The following PRRC2C variants were observed in gnomAD, a reference collection of about 807,000 sequenced individuals.
The protein encoded by PRRC2C is protein PRRC2C.
Under a neutral mutation model 317.2 loss-of-function variants are expected in PRRC2C, and 72 were observed. The observed-to-expected ratio is 0.23, with a 90% CI of 0.19 to 0.28. The LOEUF (loss-of-function observed/expected upper bound fraction) is 0.28, where lower values mean the gene tolerates loss of function less well. Among genes scored for constraint, PRRC2C ranks in the 10% least tolerant of loss-of-function variants. The probability of loss-of-function intolerance (pLI) is 1.00; values close to 1 mark genes in which losing one functional copy is unlikely to be tolerated. For missense variants in PRRC2C, 3,074 were observed against 3,459.7 expected (o/e 0.89, Z 2.80); for synonymous variants, 1,296 against 1,205.9 (o/e 1.07, Z -1.55).
intron 1 of PRRC2C, among the ~76,000 whole-genome samples, chr1:171,487,247 A>G (rs1328057149): frequency 6.6e-6 from 1 of 152,170 alleles, no homozygotes; most frequent in African/African-American, 2.4e-5. Context: ...AGATGAGGAA[A>G]TGAAATCTGA....
chr1:171,513,411 C>T (rs1031917939), intron 3 of PRRC2C: 18 of 597,736 alleles, frequency 3.0e-5, no homozygotes, highest in African/African-American at 2.0e-4. Context: ...TATGTCATAG[C>T]CTTTATTAGG....
At chr1:171,548,261 G>T (rs879806984) in intron 17 of PRRC2C, among the ~76,000 whole-genome samples, 1 of 152,138 alleles carries the variant, frequency 6.6e-6, no homozygotes, top group Non-Finnish European at 1.5e-5. Context: ...GAACCACCAT[G>T]CCCAGCCAGT....
Position 171,579,871 on chromosome 1 carries a change from T to C in PRRC2C, c.7316T>C (p.Leu2439Pro). 6.3e-7 allele frequency: 1 copy of C among 1,594,526 alleles called. No individual in the cohort carries two copies. ...QQIPIPIYAP[L>P]QGQHQAQLSL... Reference sequence around the variant, plus strand: ...ATTCCAATCCCTATTTATGCACCACTGCAAGGGCAGCATCAAGCCCAACTG... The same window carrying C: ...ATTCCAATCCCTATTTATGCACCACCGCAAGGGCAGCATCAAGCCCAACTG... The change falls in exon 28 of 35, where the codon CTG becomes CCG. Residue 2439 changes from leucine to proline, a missense_variant. This residue lies in a region of PRRC2C where 490 missense variants were observed against 663.1 expected (regional missense o/e 0.74). Coordinates refer to ENST00000647382, the MANE Select transcript of PRRC2C (RefSeq NM_001387844.1).
rs768661687 is a variant in PRRC2C at position 171,566,757 on chromosome 1, A to G, written c.6472A>G (p.Lys2158Glu). Reference protein sequence around the residue: ...TVRSTDPVTTKETKAVSEMST... With the variant: ...TVRSTDPVTTEETKAVSEMST... ...CAGAAGCACAGATCCTGTCACGACA[A>G]AGGAGACTAAAGCAGTCTCAGAAAT... is the stretch of plus-strand genomic sequence containing the variant. The change falls in exon 22 of 35, where the codon AAG becomes GAG. Residue 2158 changes from lysine (K) to glutamate (E), a missense_variant. By Grantham distance (56) the Lys-to-Glu change is moderately conservative. Around this residue, in one of 11 missense-constraint regions of PRRC2C, gnomAD observed 640 missense variants for 676.1 expected, o/e 0.95. Coordinates refer to ENST00000647382, the MANE Select transcript of PRRC2C (RefSeq NM_001387844.1). The G allele has an allele frequency of 8.1e-6, 13 of 1,613,824 alleles. No individual in the cohort carries two copies. In the Admixed American group the frequency reaches 8.3e-5, roughly 10 times the overall value.
At chr1:171,575,677 G>A (rs910804049) in intron 25 of PRRC2C, among the ~76,000 whole-genome samples, 2 of 152,050 alleles carry the variant, frequency 1.3e-5, no homozygotes, top group African/African-American at 4.8e-5. Context: ...TTTTACTAGT[G>A]TGTAATCTTT....
chr1:171,573,673 CTTTTT>C (rs1024285954), intron 24 of PRRC2C, among the ~76,000 whole-genome samples: 50 of 85,810 alleles, frequency 5.8e-4, no homozygotes, highest in African/African-American at 2.0e-3. Context: ...TCTCAAAATT[CTTTTT>C]TTTTTTTTTT....
chr1:171,546,629 T>G (rs1679166936), intron 17 of PRRC2C, among the ~76,000 whole-genome samples: 1 of 152,174 alleles, frequency 6.6e-6, no homozygotes, highest in Non-Finnish European at 1.5e-5. Flanking sequence ...AGACAGAGAC[T>G]TACTCTGTTG....
chr1:171,522,489 G>T (rs1022330069), intron 7 of PRRC2C: 6 of 260,756 alleles, frequency 2.3e-5, no homozygotes, highest in Admixed American at 1.6e-4. Context: ...TGAAAACCAG[G>T]CCGGGGACGG....
At chr1:171,576,274 A>C (rs1685679849) in intron 25 of PRRC2C, among the ~76,000 whole-genome samples, 1 of 152,274 alleles carries the variant, frequency 6.6e-6, no homozygotes, top group African/African-American at 2.4e-5. Flanking sequence ...AATGGTTCCT[A>C]GTTCTTTCTT....
chr1:171,569,575 AATATATAT>A (rs60832207), intron 23 of PRRC2C, among the ~76,000 whole-genome samples: 2 of 60,130 alleles, frequency 3.3e-5, no homozygotes, highest in African/African-American at 1.1e-4. Flanking sequence ...AAGTGGTTTA[AATATATAT>A]ATATATATAT....
rs3817772 is a variant in PRRC2C, at chr1:171,579,478, G to A, written c.7272+12G>A. ...CAGGTCTCTCTCAGGTAATATCAAAGACTTCTTCCATCCTGTATTTGTTCC... is the reference window on the plus strand; with the variant it reads ...CAGGTCTCTCTCAGGTAATATCAAAAACTTCTTCCATCCTGTATTTGTTCC... On this transcript the variant is annotated intron_variant, in intron 27 of 34. Coordinates refer to ENST00000647382, the MANE Select transcript of PRRC2C (RefSeq NM_001387844.1). 536,425 of 1,611,250 alleles carry A rather than the reference G, an allele frequency of 0.33. 94,712 individuals are homozygous for A. Among genetic ancestry groups the A allele is most frequent in the East Asian group, 0.64 (28,642 of 44,824 alleles).
intron 16 of PRRC2C, among the ~76,000 whole-genome samples, chr1:171,543,361 A>G (rs1678387471): frequency 6.6e-6 from 1 of 151,422 alleles, no homozygotes; most frequent in Non-Finnish European, 1.5e-5. Context: ...GTAAGCTAGT[A>G]TTGATTTATT....
At position 171,513,068 on chromosome 1, in the gene PRRC2C, C is replaced by T. The variant is rs576045141; in HGVS notation, c.186C>T (p.Leu62=). 8.1e-6 allele frequency: 13 copies of T among 1,613,834 alleles called. No individual in the cohort carries two copies. In the South Asian group the frequency reaches 1.2e-4, roughly 15 times the overall value. ...GGCGTATGCCTCCACCTGCTAACCT[C>T]CCAAGTCTTAAAGCAGAAAACAAAG... The part of the protein sequence containing the change: ...ISRRMPPPAN[L]PSLKAENKGN... Residue 62 remains leucine, a synonymous_variant, in exon 3 of 35, where the codon CTC becomes CTT. Coordinates refer to ENST00000647382, the MANE Select transcript of PRRC2C (RefSeq NM_001387844.1).
chr1:171,520,885 A>T lies in PRRC2C; in HGVS notation c.751-1292A>T, dbSNP rs561430324. ...AGTGGTGCGATCTCAGCTCACTGCAACCTCCACCTCCTGGGTTCAAGTGAT... is the reference window on the plus strand; with the variant it reads ...AGTGGTGCGATCTCAGCTCACTGCATCCTCCACCTCCTGGGTTCAAGTGAT... On this transcript the variant is annotated intron_variant, in intron 6 of 34. Coordinates refer to ENST00000647382, the MANE Select transcript of PRRC2C (RefSeq NM_001387844.1). Among the ~76,000 whole-genome samples, 3 of 148,252 alleles carry T rather than the reference A, an allele frequency of 2.0e-5. No homozygotes were observed. The East Asian group carries it at 6.0e-4, about 29-fold the overall frequency.
At position 171,586,971 on chromosome 1, in the gene PRRC2C, A is replaced by G. The variant is rs779350800; in HGVS notation, c.7750-32A>G. 4.1e-6 allele frequency: 6 copies of G among 1,478,224 alleles called. No individual in the cohort carries two copies. The South Asian group carries it at 6.0e-5, about 15-fold the overall frequency. The allele number at this position is 1,478,224 out of a possible 1,614,324, so 91.6% of individuals were successfully genotyped here. A position where few individuals can be genotyped will look rare whatever the true frequency, so the allele number is the denominator to read the frequency against. ...ATATGTCTGTAGTAAACAGAAACAAATTGCTTCAGTTTCTCTTTACTTATT... is the reference window on the plus strand; with the variant it reads ...ATATGTCTGTAGTAAACAGAAACAAGTTGCTTCAGTTTCTCTTTACTTATT... On this transcript the variant is annotated intron_variant, in intron 30 of 34. Coordinates refer to ENST00000647382, the MANE Select transcript of PRRC2C (RefSeq NM_001387844.1).
intron 28 of PRRC2C, among the ~76,000 whole-genome samples, chr1:171,582,257 C>G (rs1209786040): frequency 2.6e-5 from 4 of 152,180 alleles, no homozygotes; most frequent in Non-Finnish European, 4.4e-5. Context: ...GAATTATTCT[C>G]ACTGTTCAAA....
chr1:171,531,238 G>T (rs966505001), intron 11 of PRRC2C, among the ~76,000 whole-genome samples: 1 of 152,202 alleles, frequency 6.6e-6, no homozygotes, highest in Non-Finnish European at 1.5e-5. Context: ...TTGTGTCTGC[G>T]TTGGAGCAGT....
intron 6 of PRRC2C, among the ~76,000 whole-genome samples, chr1:171,519,705 A>G (rs1046386728): frequency 6.6e-6 from 1 of 152,192 alleles, no homozygotes; most frequent in African/African-American, 2.4e-5. Flanking sequence ...CATTACTCTC[A>G]TAGGAAACAA....
In PRRC2C at chr1:171,557,269, A is replaced by G. The variant is rs1217770317; in HGVS notation, c.5157A>G (p.Lys1719=). 2 of 1,547,046 alleles carry G rather than the reference A, an allele frequency of 1.3e-6. No homozygotes were observed. The highest frequency in any genetic ancestry group is 4.9e-5 in the East Asian group (2 of 40,906). The change falls in exon 19 of 35, where the codon AAA becomes AAG. Residue 1719 remains lysine (K), a synonymous_variant. Transcript: ENST00000647382. ...QVWNKKNANE[K]GRSQTSKLPP... ...GGAACAAAAAGAATGCAAATGAAAA[A>G]GGAAGAAGCCAGACTTCTAAGCTTC...
Sources: gnomAD v4.1 joint callset for allele counts (sites outside exome capture counted in the v4.1 genomes callset) on GRCh38, gnomAD v4.1.1 for gene constraint, gnomAD v4.1.1 regional missense constraint, MANE v1.5 for transcripts, NCBI Gene and HGNC (gene_info 2026-07-23, HGNC 2026-07-21) for gene names.